L2HGDH: variants seen among roughly 807,000 people sequenced by gnomAD.
L2HGDH encodes the protein L-2-hydroxyglutarate dehydrogenase, also known as L-2-hydroxyglutarate dehydrogenase, mitochondrial.
Under a neutral mutation model 51.5 loss-of-function variants are expected in L2HGDH, and 34 were observed. The ratio of observed to expected loss-of-function variants is 0.66; its 90% CI spans 0.50 to 0.88. The LOEUF (loss-of-function observed/expected upper bound fraction) is 0.88. L2HGDH is among the 40% of genes least tolerant of loss of function. The pLI is 0.00. For missense variants in L2HGDH, 558 were observed against 571.9 expected (o/e 0.98, Z 0.25); for synonymous variants, 198 against 197.9 (o/e 1.00, Z -0.01).
chr14:50,294,913 CAA>C (rs1331072945), intron 3 of L2HGDH, among the ~76,000 whole-genome samples: 1 of 152,078 alleles, frequency 6.6e-6, no homozygotes, highest in Admixed American at 6.5e-5. Context: ...TTAGAATTCA[CAA>C]GTCATTATTT....
At chr14:50,292,575 G>C (rs376169096) in intron 4 of L2HGDH, among the ~76,000 whole-genome samples, 2 of 152,070 alleles carry the variant, frequency 1.3e-5, no homozygotes, top group South Asian at 2.1e-4. Context: ...GCATGGTGGC[G>C]CATGTCTGTA....
intron 9 of L2HGDH, among the ~76,000 whole-genome samples, chr14:50,248,969 T>C (rs1394114912): frequency 6.6e-6 from 1 of 152,138 alleles, no homozygotes; most frequent in Non-Finnish European, 1.5e-5. Flanking sequence ...GCCAGCCATG[T>C]GGTGTGGAGA....
At chr14:50,297,395 C>A (rs577505109) in intron 3 of L2HGDH, among the ~76,000 whole-genome samples, 1 of 152,106 alleles carries the variant, frequency 6.6e-6, no homozygotes, top group South Asian at 2.1e-4. Context: ...CATACACACA[C>A]AATTAGAACA....
In L2HGDH at chr14:50,246,172, C is replaced by A. The variant is rs1347011384; in HGVS notation, c.*886G>T. 6.6e-6 allele frequency: 1 copy of A among 151,638 alleles called. No individual in the cohort carries two copies. The highest frequency in any genetic ancestry group is 2.4e-5 in the African/African-American group (1 of 41,308). 9.4% of individuals were successfully genotyped at this position (151,638 alleles called of 1,614,324 possible). On this transcript the variant is annotated 3_prime_UTR_variant, in exon 10 of 10. Coordinates refer to ENST00000267436, the MANE Select transcript of L2HGDH (RefSeq NM_024884.3). Reference sequence around the variant, plus strand: ...GGGATTCGGACAGATAAAACTGTACCTTGCCTCTTTATTCGCAAAGTAAAT... The same window carrying A: ...GGGATTCGGACAGATAAAACTGTACATTGCCTCTTTATTCGCAAAGTAAAT...
chr14:50,250,098 C>T (rs763231825), intron 9 of L2HGDH, among the ~76,000 whole-genome samples: 2 of 152,016 alleles, frequency 1.3e-5, no homozygotes, highest in Middle Eastern at 3.2e-3. Context: ...GATGGGGTTT[C>T]GCCATGGTGG....
chr14:50,253,748 A>G (rs930334545), intron 9 of L2HGDH, among the ~76,000 whole-genome samples: 3 of 152,174 alleles, frequency 2.0e-5, no homozygotes, highest in African/African-American at 7.2e-5. Context: ...TTACTGCAGC[A>G]GTATTCACAA....
chr14:50,272,594 G>C (rs906918424), intron 6 of L2HGDH, among the ~76,000 whole-genome samples: 2 of 152,184 alleles, frequency 1.3e-5, no homozygotes, highest in African/African-American at 4.8e-5. Flanking sequence ...TTCTGGCTTT[G>C]ACTGAACACT....
At chr14:50,296,321 C>T (rs1235053329) in intron 3 of L2HGDH, among the ~76,000 whole-genome samples, 2 of 126,172 alleles carry the variant, frequency 1.6e-5, no homozygotes, top group Non-Finnish European at 3.1e-5. Context: ...TACAGAGAGC[C>T]GAGATTGCAC....
rs778873497 is a variant in L2HGDH, at chr14:50,308,117, G to A, written c.140+3894C>T. On this transcript the variant is annotated intron_variant, in intron 1 of 9. Coordinates refer to ENST00000267436, the MANE Select transcript of L2HGDH (RefSeq NM_024884.3). ...CATTTAGAACGTAGGCAGGCCGGGT[G>A]CGATGGCTCACGCCTTTAATCCCAG... Among the ~76,000 whole-genome samples, 7 of 152,240 alleles carry A rather than the reference G, an allele frequency of 4.6e-5. No individual in the cohort carries two copies. In the East Asian group the frequency reaches 1.2e-3, roughly 25 times the overall value.
Position 50,247,220 on chromosome 14 carries a change from A to C in L2HGDH, c.1230T>G (p.Asp410Glu). 6.2e-7 allele frequency: 1 copy of C among 1,614,068 alleles called. No individual in the cohort carries two copies. The highest frequency in any genetic ancestry group is 1.7e-5 in the Admixed American group (1 of 60,000). Residue 410 changes from aspartate (D) to glutamate (E), a missense_variant, in exon 10 of 10, where the codon GAT (aspartate) becomes GAG (glutamate). Asp to Glu is a conservative substitution (Grantham distance 45). Transcript: ENST00000267436. ...GPAGVRAQAL[D>E]RDGNLVEDFV... ...AATCTTCTACCAGATTTCCATCTCT[A>C]TCCAGGGCCTGGGCTCTTACTCCAG...
intron 9 of L2HGDH, among the ~76,000 whole-genome samples, chr14:50,261,031 C>T (rs971593549): frequency 3.3e-5 from 5 of 151,960 alleles, no homozygotes; most frequent in Non-Finnish European, 7.4e-5. Context: ...TCAGGAGAAT[C>T]GCTTGAACCC....
chr14:50,267,188 T>TATTTATTC (rs1246035324), intron 8 of L2HGDH, among the ~76,000 whole-genome samples: 164 of 132,082 alleles, frequency 1.2e-3, no homozygotes, highest in Admixed American at 2.9e-3. Flanking sequence ...TTTATTTATT[T>TATTTATTC]ATTCATTTTT....
intron 5 of L2HGDH, among the ~76,000 whole-genome samples, chr14:50,279,878 T>A (rs1321823586): frequency 6.6e-6 from 1 of 151,628 alleles, no homozygotes; most frequent in East Asian, 2.0e-4. Flanking sequence ...CTGACCAACA[T>A]GATGAAATCC....
intron 1 of L2HGDH, 100 bp from the exon 2 acceptor site, chr14:50,303,117 T>G: frequency 1.3e-6 from 1 of 797,144 alleles, no homozygotes; most frequent in South Asian, 1.4e-5. Context: ...AACCATTAAT[T>G]TGTAATCATG....
In L2HGDH at chr14:50,278,855, T is replaced by C. The variant is rs367820336; in HGVS notation, c.704-301A>G. On this transcript the variant is annotated intron_variant, in intron 5 of 9. Coordinates refer to ENST00000267436, the MANE Select transcript of L2HGDH (RefSeq NM_024884.3). Reference sequence around the variant, plus strand: ...TGAACTATAATCCTGGAAACCGCAATGTAAAATGGATAATCATAAATCAGT... The same window carrying C: ...TGAACTATAATCCTGGAAACCGCAACGTAAAATGGATAATCATAAATCAGT... Among the ~76,000 whole-genome samples the C allele has an allele frequency of 9.2e-5, 14 of 152,322 alleles. No homozygotes were observed. The South Asian group carries it at 2.7e-3, about 29-fold the overall frequency.
intron 7 of L2HGDH, among the ~76,000 whole-genome samples, chr14:50,268,398 A>AG (rs1420986171): frequency 8.0e-4 from 121 of 151,508 alleles, no homozygotes; most frequent in African/African-American, 2.8e-3. Flanking sequence ...AAAAAAAAAA[A>AG]AAAGAAACTC....
chr14:50,294,348 G>T, intron 3 of L2HGDH, 102 bp from the exon 4 acceptor site: 2 of 1,156,196 alleles, frequency 1.7e-6, no homozygotes, highest in South Asian at 3.0e-5. Flanking sequence ...ATGACCCAAA[G>T]GAGGTTAATT....
At chr14:50,247,887 TGA>T (rs1215200620) in intron 9 of L2HGDH, among the ~76,000 whole-genome samples, 3 of 152,122 alleles carry the variant, frequency 2.0e-5, no homozygotes, top group Non-Finnish European at 2.9e-5. Context: ...GTTAATAAAA[TGA>T]GAGTCTTTTT....
chr14:50,311,974 G>T, intron 1 of L2HGDH, 37 bp downstream of exon 1: 1 of 1,544,730 alleles, frequency 6.5e-7, no homozygotes, highest in East Asian at 2.4e-5. Context: ...GCGAGGGGCA[G>T]CAGCGCAGGC....
Sources: allele counts gnomAD v4.1 joint callset (sites outside exome capture counted in the v4.1 genomes callset), GRCh38; gene constraint gnomAD v4.1.1; transcripts MANE v1.5; gene names NCBI Gene and HGNC (gene_info 2026-07-23, HGNC 2026-07-21).